The following KCNAB2 variants were observed in gnomAD, a reference collection of about 807,000 sequenced individuals.
KCNAB2 encodes potassium voltage-gated channel subfamily A regulatory beta subunit 2.
In KCNAB2, 29 loss-of-function variants were observed where a neutral mutation model predicts 63.6. The observed-to-expected ratio is 0.46, with a 90% CI of 0.34 to 0.62. The LOEUF is 0.62. Ranked by LOEUF, KCNAB2 falls within the 20% of genes least tolerant of loss-of-function variation. The pLI is 0.01. For synonymous variants in KCNAB2, 222 were observed against 224.2 expected, an observed-to-expected ratio of 0.99 and a Z score of 0.09; for missense variants, 359 against 563.9, an observed-to-expected ratio of 0.64 and a Z score of 3.68.
Position 6,074,836 on chromosome 1 carries a change from C to T in KCNAB2, c.300+1066C>T, listed in dbSNP as rs903200321. Among the ~76,000 whole-genome samples, 1 of 151,912 alleles carries T rather than the reference C, an allele frequency of 6.6e-6. No individual in the cohort carries two copies. The highest frequency in any genetic ancestry group is 2.4e-5 in the African/African-American group (1 of 41,348). ...TGGGCGTGGTAGGGGCGCCTGTAATCCCAGCTACTCAGGAGGCTGAGGCAG... is the reference window on the plus strand; with the variant it reads ...TGGGCGTGGTAGGGGCGCCTGTAATTCCAGCTACTCAGGAGGCTGAGGCAG... On this transcript the variant is annotated intron_variant, in intron 4 of 15. Coordinates refer to ENST00000378083, the MANE Select transcript of KCNAB2 (RefSeq NM_001199862.2). This position sits in a 1 kb window ranked among gnomAD's most constrained non-coding sequence, Gnocchi z 4.9.
At chr1:6,030,697 T>G (rs1242494384), upstream of KCNAB2, among the ~76,000 whole-genome samples, 4 of 151,680 alleles carry the variant, frequency 2.6e-5, no homozygotes, top group African/African-American at 9.7e-5. Flanking sequence ...TGTGTATGTG[T>G]GTGTGTATGT....
At chr1:6,090,535 C>G in intron 9 of KCNAB2, 60 bp downstream of exon 9, 2 of 1,383,158 alleles carry the variant, frequency 1.4e-6, no homozygotes, top group East Asian at 4.7e-5. Context: ...GGGTCTGAAC[C>G]TGGGGTTGTA....
In KCNAB2 at chr1:6,094,396, A is replaced by G; in HGVS notation, c.647-4A>G. Reference sequence around the variant, plus strand: ...ACCTGCGGTTTCCCTTTCTCTCACGACAGAGACCGTCCGCGCCATGACCCA... The same window carrying G: ...ACCTGCGGTTTCCCTTTCTCTCACGGCAGAGACCGTCCGCGCCATGACCCA... On this transcript the variant is annotated splice_region_variant and splice_polypyrimidine_tract_variant and intron_variant, in intron 10 of 15. Transcript: ENST00000378083. The G allele has an allele frequency of 6.2e-7, 1 of 1,607,756 alleles. No homozygotes were observed. Among genetic ancestry groups the G allele is most frequent in the African/African-American group, 1.3e-5 (1 of 74,926 alleles).
intron 2 of KCNAB2, 54 bp from the exon 3 acceptor site, chr1:6,072,698 CCTG>C (rs1443178603): frequency 1.3e-6 from 2 of 1,590,432 alleles, no homozygotes; most frequent in African/African-American, 2.7e-5. Context: ...GGGAACTGAG[CCTG>C]GCTGGCAGGG....
At position 6,028,592 on chromosome 1, in the gene KCNAB2, G is replaced by A. The variant is rs1023939801; in HGVS notation, c.-52-11925G>A. Among the ~76,000 whole-genome samples, 2 of 152,200 alleles carry A rather than the reference G, an allele frequency of 1.3e-5. No homozygotes were observed. Among genetic ancestry groups the A allele is most frequent in the African/African-American group, 2.4e-5 (1 of 41,454 alleles). On this transcript the variant is annotated intron_variant, in intron 1 of 16. Coordinates refer to the KCNAB2 transcript ENST00000341524. This position sits in a 1 kb window ranked among gnomAD's most constrained non-coding sequence, Gnocchi z 4.0. ...TCACTAGGCATTACCACATGCTGGT[G>A]GCCGCTCTGGGTGCGGGGGTACATC...
intron 1 of KCNAB2, among the ~76,000 whole-genome samples, chr1:5,998,891 C>T (rs1657081852): frequency 6.6e-6 from 1 of 152,250 alleles, no homozygotes; most frequent in Non-Finnish European, 1.5e-5. Flanking sequence ...GACCCCAAGC[C>T]AGAGTCCCAC....
In KCNAB2 at chr1:6,071,310, G is replaced by A. The variant is rs998329380; in HGVS notation, c.219-1445G>A. On this transcript the variant is annotated intron_variant, in intron 2 of 15. Transcript: ENST00000378083. The surrounding 1 kb of genome is among the most constrained non-coding windows in gnomAD (Gnocchi z 8.5). ...TGGGCCAGGAGGCTGGGCCTCACCC[G>A]CTGGTAACTCATGGCTCTCACTCCC... is the stretch of plus-strand genomic sequence containing the variant. Among the ~76,000 whole-genome samples the A allele has an allele frequency of 6.6e-6, 1 of 152,186 alleles. No individual in the cohort carries two copies. Among genetic ancestry groups the A allele is most frequent in the African/African-American group, 2.4e-5 (1 of 41,452 alleles).
chr1:6,014,083 G>A (rs763616281), intron 1 of KCNAB2, among the ~76,000 whole-genome samples: 5 of 152,194 alleles, frequency 3.3e-5, no homozygotes, highest in African/African-American at 4.8e-5. Flanking sequence ...CAAAAATTAC[G>A]CTGAATGAAC....
In KCNAB2 at chr1:6,087,544, C is replaced by T. The variant is rs762599970; in HGVS notation, c.470+33C>T. 1.1e-5 allele frequency: 17 copies of T among 1,612,308 alleles called. No individual in the cohort carries two copies. The highest frequency in any genetic ancestry group is 4.4e-5 in the South Asian group (4 of 91,042). The stretch of plus-strand genomic sequence containing the variant: ...CAACAGCTGGCGATGCTTCCAGCCC[C>T]GGCCCAGCAGCCACGGCCCCGTGCT... On this transcript the variant is annotated intron_variant, in intron 7 of 15. Coordinates refer to ENST00000378083, the MANE Select transcript of KCNAB2 (RefSeq NM_001199862.2). The surrounding 1 kb of genome is among the most constrained non-coding windows in gnomAD (Gnocchi z 6.4).
chr1:6,052,098 G>A (rs1253103091), intron 2 of KCNAB2, among the ~76,000 whole-genome samples: 2 of 151,652 alleles, frequency 1.3e-5, no homozygotes, highest in African/African-American at 4.9e-5. Context: ...GTGAGACACT[G>A]TCTCAACAAC....
At chr1:6,019,685 T>C (rs114766643) in intron 1 of KCNAB2, among the ~76,000 whole-genome samples, 2,263 of 152,310 alleles carry the variant, frequency 0.015, 41 homozygotes, top group African/African-American at 0.048. Context: ...CCTGTAAGGT[T>C]TGGCGAGGGT....
intron 1 of KCNAB2, among the ~76,000 whole-genome samples, chr1:6,048,448 G>A (rs139036350): frequency 4.6e-5 from 7 of 152,320 alleles, no homozygotes; most frequent in East Asian, 3.9e-4. Context: ...GGCTGAGGCC[G>A]GGAGCGGTCA....
chr1:6,004,301 T>C (rs928775520), intron 1 of KCNAB2, among the ~76,000 whole-genome samples: 3 of 151,762 alleles, frequency 2.0e-5, no homozygotes, highest in South Asian at 4.2e-4. Flanking sequence ...GCTCAAGTGA[T>C]CCTCCCGCCT....
chr1:6,026,947 T>TGGATGGC (rs1462438735), intron 1 of KCNAB2, among the ~76,000 whole-genome samples: 2 of 152,150 alleles, frequency 1.3e-5, no homozygotes, highest in Non-Finnish European at 2.9e-5. Flanking sequence ...GCCTTGAACA[T>TGGATGGC]GGATGGCGTG....
rs1411747244 is a variant in KCNAB2, at chr1:6,017,405, G to GCT, written c.-52-23111_-52-23110dup. Among the ~76,000 whole-genome samples the GCT allele has an allele frequency of 5.5e-4, 51 of 92,188 alleles. 1 individual carries two copies. Among genetic ancestry groups the GCT allele is most frequent in the African/African-American group, 1.8e-3 (47 of 25,872 alleles). The allele number at this position is 92,188 out of a possible 152,430, so 60.5% of individuals were successfully genotyped here. On this transcript the variant is annotated intron_variant, in intron 1 of 16. Transcript: ENST00000341524. ...CCACAGGTGCACATCACCATACCTG[G>GCT]CTGTGTGTGTGTGTGTGTGTGTGTG... is the stretch of plus-strand genomic sequence containing the variant.
intron 15 of KCNAB2, 75 bp downstream of exon 15, chr1:6,097,432 G>T (rs763348724): frequency 1.7e-5 from 27 of 1,545,480 alleles, no homozygotes; most frequent in Non-Finnish European, 2.4e-5. Context: ...TCCCAGGCTC[G>T]TCCTGCGTGC....
rs58209062 is a variant in KCNAB2, at chr1:6,007,062, G to A, written c.-53+14274G>A. Among the ~76,000 whole-genome samples, 12 of 152,276 alleles carry A rather than the reference G, an allele frequency of 7.9e-5. No individual in the cohort carries two copies. The East Asian group carries it at 1.7e-3, about 22-fold the overall frequency. On this transcript the variant is annotated intron_variant, in intron 1 of 16. Coordinates refer to the KCNAB2 transcript ENST00000341524. ...AGTGTCTCTGCTCAGGGCTGGCCGAGAGTCAGCGCTTTCTGTCCCTGTGGC... is the reference window on the plus strand; with the variant it reads ...AGTGTCTCTGCTCAGGGCTGGCCGAAAGTCAGCGCTTTCTGTCCCTGTGGC...
rs78973375 is a variant in KCNAB2, at chr1:6,084,976, G to C, written c.381-228G>C. Reference sequence around the variant, plus strand: ...ACTGCTTAGACACGTGTCTGCAGGGGAACATGCCACAGCCATCCTAGTGGG... The same window carrying C: ...ACTGCTTAGACACGTGTCTGCAGGGCAACATGCCACAGCCATCCTAGTGGG... On this transcript the variant is annotated intron_variant, in intron 5 of 15. Transcript: ENST00000378083. 9.9e-3 allele frequency among the ~76,000 whole-genome samples: 1,514 copies of C among 152,320 alleles called. 25 individuals are homozygous for C. The highest frequency in any genetic ancestry group is 0.035 in the African/African-American group (1,441 of 41,556).
chr1:6,011,426 C>G (rs1557929781), intron 1 of KCNAB2, among the ~76,000 whole-genome samples: 1 of 149,694 alleles, frequency 6.7e-6, no homozygotes, highest in African/African-American at 2.5e-5. Context: ...AGGCAGGCAG[C>G]TGTGCCCAGG....
Sources: gnomAD v4.1 joint callset for allele counts (sites outside exome capture counted in the v4.1 genomes callset) on GRCh38, gnomAD v4.1.1 for gene constraint, Gnocchi (gnomAD v3.1) non-coding constraint, MANE v1.5 for transcripts, NCBI Gene and HGNC (gene_info 2026-07-23, HGNC 2026-07-21) for gene names.